IMMP2L: variants seen among roughly 807,000 people sequenced by gnomAD.
The protein encoded by IMMP2L is inner mitochondrial membrane peptidase subunit 2, also known as mitochondrial inner membrane protease subunit 2.
A neutral mutation model predicts 19.3 loss-of-function variants in IMMP2L; 18 were observed. The ratio of observed to expected loss-of-function variants is 0.93; its 90% confidence interval spans 0.64 to 1.38. The LOEUF is 1.38. Among genes scored for constraint, IMMP2L ranks in the 40% most tolerant of loss-of-function variants. The pLI, the probability that IMMP2L is intolerant of heterozygous loss-of-function variation, is 0.00. For missense variants in IMMP2L, 233 were observed against 218.2 expected (o/e 1.07, Z -0.43); for synonymous variants, 76 against 73.0 (o/e 1.04, Z -0.21).
intron 3 of IMMP2L, among the ~76,000 whole-genome samples, chr7:111,019,781 C>T (rs573267624): frequency 6.6e-6 from 1 of 152,172 alleles, no homozygotes; most frequent in Admixed American, 6.5e-5. Context: ...GGCCTGGTGA[C>T]ACTGTTTATT....
chr7:111,151,488 C>T (rs1018560741), intron 3 of IMMP2L, among the ~76,000 whole-genome samples: 4 of 152,070 alleles, frequency 2.6e-5, no homozygotes, highest in African/African-American at 9.7e-5. Flanking sequence ...GAGACAGAGA[C>T]ATAAACTGAC....
chr7:111,530,680 T>C (rs970889174), intron 1 of IMMP2L, among the ~76,000 whole-genome samples: 1 of 151,872 alleles, frequency 6.6e-6, no homozygotes, highest in South Asian at 2.1e-4. Context: ...AAAAAATTCA[T>C]GATGAGAAAG....
chr7:111,280,924 G>T (rs1259338843), intron 3 of IMMP2L, among the ~76,000 whole-genome samples: 1 of 151,814 alleles, frequency 6.6e-6, no homozygotes, highest in Admixed American at 6.6e-5. Context: ...AAAAAAATTA[G>T]CCAGGCGTGG....
intron 5 of IMMP2L, among the ~76,000 whole-genome samples, chr7:110,864,312 T>A: frequency 6.6e-6 from 1 of 152,002 alleles, no homozygotes; most frequent in East Asian, 1.9e-4. Context: ...ATGGGTTCAA[T>A]GAGATGACAT....
intron 3 of IMMP2L, among the ~76,000 whole-genome samples, chr7:111,327,392 A>G (rs1007233880): frequency 3.3e-5 from 5 of 151,728 alleles, no homozygotes; most frequent in Non-Finnish European, 5.9e-5. Context: ...TATATATAAA[A>G]AGTGTCACTG....
chr7:110,886,671 A>G lies in IMMP2L; in HGVS notation c.330T>C (p.Tyr110=). Residue 110 remains tyrosine, a synonymous_variant, in exon 5 of 6, where the codon TAT becomes TAC. Coordinates refer to ENST00000405709, the MANE Select transcript of IMMP2L (RefSeq NM_032549.4). ...IVRTIGHKNR[Y]VKVPRGHIWV... ...AGATGTGACCACGGGGGACTTTGAC[A>G]TACCGGTTTTTGTGTCCTATGGTTC... 2 of 1,600,378 alleles carry G rather than the reference A, an allele frequency of 1.2e-6. No homozygotes were observed. Among genetic ancestry groups the G allele is most frequent in the South Asian group, 2.2e-5 (2 of 90,766 alleles).
intron 2 of IMMP2L, among the ~76,000 whole-genome samples, chr7:111,501,101 G>T (rs1431354983): frequency 6.6e-6 from 1 of 151,976 alleles, no homozygotes; most frequent in African/African-American, 2.4e-5. Context: ...TGGATACCTA[G>T]AATAACCAAT....
At chr7:110,842,655 T>C (rs1431419094) in intron 5 of IMMP2L, among the ~76,000 whole-genome samples, 1 of 152,166 alleles carries the variant, frequency 6.6e-6, no homozygotes, top group Non-Finnish European at 1.5e-5. Context: ...GTTAATCAGT[T>C]TCCAAAATAC....
intron 3 of IMMP2L, among the ~76,000 whole-genome samples, chr7:111,100,753 G>A (rs1797885766): frequency 6.6e-6 from 1 of 151,294 alleles, no homozygotes; most frequent in African/African-American, 2.4e-5. Flanking sequence ...AAATATCATG[G>A]TTGAATTCCA....
intron 3 of IMMP2L, among the ~76,000 whole-genome samples, chr7:110,989,567 A>G (rs934989394): frequency 6.6e-6 from 1 of 150,482 alleles, no homozygotes; most frequent in Non-Finnish European, 1.5e-5. Context: ...TCTGGTGGCT[A>G]TATTTGAGTA....
chr7:110,801,661 G>A (rs1801254669), intron 5 of IMMP2L, among the ~76,000 whole-genome samples: 1 of 152,050 alleles, frequency 6.6e-6, no homozygotes, highest in African/African-American at 2.4e-5. Flanking sequence ...TGAACCCTCT[G>A]ATACTGAAAA....
chr7:111,516,379 AAG>A (rs1312331390), intron 2 of IMMP2L, among the ~76,000 whole-genome samples: 3 of 151,742 alleles, frequency 2.0e-5, no homozygotes, highest in Non-Finnish European at 4.4e-5. Context: ...GAGGAGGAGG[AAG>A]AGAGAGAGAA....
At chr7:110,821,059 C>G (rs923103671) in intron 5 of IMMP2L, among the ~76,000 whole-genome samples, 29 of 151,858 alleles carry the variant, frequency 1.9e-4, no homozygotes, top group Non-Finnish European at 8.8e-5. Context: ...GCTTTATATA[C>G]ACTAACTCAT....
At chr7:111,473,734 G>C (rs562913217) in intron 3 of IMMP2L, among the ~76,000 whole-genome samples, 1 of 152,254 alleles carries the variant, frequency 6.6e-6, no homozygotes, top group South Asian at 2.1e-4. Flanking sequence ...AACAGCATTT[G>C]TTCAGCCACT....
At chr7:110,983,907 T>C (rs1211732576) in intron 3 of IMMP2L, among the ~76,000 whole-genome samples, 1 of 152,012 alleles carries the variant, frequency 6.6e-6, no homozygotes, top group African/African-American at 2.4e-5. Flanking sequence ...GATCACCCAC[T>C]ATCTCCCCCA....
chr7:110,693,551 G>A (rs966116558), intron 5 of IMMP2L, among the ~76,000 whole-genome samples: 11 of 152,094 alleles, frequency 7.2e-5, no homozygotes, highest in Non-Finnish European at 1.3e-4. Context: ...TATCCTGAGT[G>A]CCTAGAGGAC....
chr7:111,404,153 T>C (rs1216930715), intron 3 of IMMP2L, among the ~76,000 whole-genome samples: 1 of 152,104 alleles, frequency 6.6e-6, no homozygotes, highest in African/African-American at 2.4e-5. Flanking sequence ...AATCCATTTT[T>C]TATATATTTT....
intron 3 of IMMP2L, among the ~76,000 whole-genome samples, chr7:111,032,520 T>C (rs1320401887): frequency 6.6e-6 from 1 of 152,022 alleles, no homozygotes; most frequent in Non-Finnish European, 1.5e-5. Context: ...AACAATCCAG[T>C]TAAAAAATGG....
At chr7:110,789,577 T>C (rs1800323743) in intron 5 of IMMP2L, among the ~76,000 whole-genome samples, 1 of 151,704 alleles carries the variant, frequency 6.6e-6, no homozygotes, top group African/African-American at 2.4e-5. Flanking sequence ...AAAGAGTACT[T>C]CTCTAAAAGT....
Sources: allele counts gnomAD v4.1 joint callset (sites outside exome capture counted in the v4.1 genomes callset), GRCh38; gene constraint gnomAD v4.1.1; transcripts MANE v1.5; gene names NCBI Gene and HGNC (gene_info 2026-07-23, HGNC 2026-07-21).